SMC1B: variants seen among roughly 807,000 people sequenced by gnomAD.
The protein encoded by SMC1B is structural maintenance of chromosomes 1B, also known as structural maintenance of chromosomes protein 1B.
In SMC1B, 60 loss-of-function variants were observed where a neutral mutation model predicts 157.9. The observed-to-expected ratio is 0.38, with a 90% confidence interval of 0.31 to 0.47. The LOEUF is 0.47. SMC1B is among the 20% of genes least tolerant of loss of function. The pLI is 0.99. For synonymous variants in SMC1B, 445 were observed against 483.0 expected (o/e 0.92, Z 1.03); for missense variants, 1,165 against 1,426.2 (o/e 0.82, Z 2.95).
chr22:45,384,125 G>A (rs937952780), intron 11 of SMC1B, among the ~76,000 whole-genome samples: 2 of 152,022 alleles, frequency 1.3e-5, no homozygotes, highest in Non-Finnish European at 2.9e-5. Flanking sequence ...ATTTTAATGG[G>A]TATTTCCCAT....
At chr22:45,406,092 C>T (rs543601033) in intron 4 of SMC1B, among the ~76,000 whole-genome samples, 1 of 152,208 alleles carries the variant, frequency 6.6e-6, no homozygotes, top group African/African-American at 2.4e-5. Context: ...ATTTCACATA[C>T]AATAAATATT....
Position 45,354,986 on chromosome 22 carries a change from T to C in SMC1B, c.3091A>G (p.Arg1031Gly). 1 of 1,614,228 alleles carries C rather than the reference T, an allele frequency of 6.2e-7. No individual in the cohort carries two copies. Among genetic ancestry groups the C allele is most frequent in the Non-Finnish European group, 8.5e-7 (1 of 1,180,032 alleles). ...TCTGTGGACTCTTGAAACTTGTCTC[T>C]GACAGTCTTTAAGTTCTCCAGTGCT... is the stretch of plus-strand genomic sequence containing the variant. ...LRALENLKTVRDKFQESTDAF... is the reference protein window; with the variant it reads ...LRALENLKTVGDKFQESTDAF... The change falls in exon 20 of 25, where the codon AGA becomes GGA. Residue 1031 changes from arginine (R) to glycine (G), a missense_variant. Arg to Gly is a moderately radical substitution (Grantham distance 125). Transcript: ENST00000357450.
At position 45,396,434 on chromosome 22, in the gene SMC1B, A is replaced by G; in HGVS notation, c.1166T>C (p.Met389Thr). 4.3e-6 allele frequency: 7 copies of G among 1,613,162 alleles called. No individual in the cohort carries two copies. The highest frequency in any genetic ancestry group is 5.1e-6 in the Non-Finnish European group (6 of 1,179,572). Reference sequence around the variant, plus strand: ...CTGCAGTTTTTCCAGTTGTTGAGTCATTGTAGCTACTTTCTTTCTTACTTG... The same window carrying G: ...CTGCAGTTTTTCCAGTTGTTGAGTCGTTGTAGCTACTTTCTTTCTTACTTG... ...KEQVRKKVAT[M>T]TQQLEKLQWE... The change falls in exon 7 of 25, where the codon ATG (methionine) becomes ACG (threonine). Residue 389 changes from methionine to threonine, a missense_variant. Coordinates refer to ENST00000357450, the MANE Select transcript of SMC1B (RefSeq NM_148674.5).
chr22:45,393,888 T>C (rs758302173), intron 8 of SMC1B, 47 bp from the exon 9 acceptor site: 1 of 1,401,354 alleles, frequency 7.1e-7, no homozygotes. Flanking sequence ...AACCAAAATT[T>C]AGGAATTACC....
rs772993600 is a variant in SMC1B, at chr22:45,389,825, G to A, written c.1618C>T (p.Arg540Trp). ...YQLAVTKVFG[R>W]FITAIVVASE... The stretch of plus-strand genomic sequence containing the variant: ...GCTACAACAATGGCAGTGATGAACC[G>A]GCCAAAAACCTTAGTAACAGCCAGC... Residue 540 changes from arginine to tryptophan, a missense_variant, in exon 10 of 25, where the codon CGG (arginine) becomes TGG (tryptophan). Physicochemically the swap from Arg to Trp is moderately radical, Grantham distance 101. Coordinates refer to ENST00000357450, the MANE Select transcript of SMC1B (RefSeq NM_148674.5). 1.2e-5 allele frequency: 19 copies of A among 1,613,790 alleles called. No individual in the cohort carries two copies. The highest frequency in any genetic ancestry group is 6.7e-5 in the East Asian group (3 of 44,878).
intron 15 of SMC1B, among the ~76,000 whole-genome samples, chr22:45,366,956 A>T (rs569682100): frequency 1.3e-5 from 2 of 152,202 alleles, no homozygotes; most frequent in South Asian, 2.1e-4. Flanking sequence ...AGTTCAGCAA[A>T]TGTATTTATC....
At chr22:45,411,969 C>T (rs919807655) in intron 1 of SMC1B, among the ~76,000 whole-genome samples, 1 of 152,108 alleles carries the variant, frequency 6.6e-6, no homozygotes. Flanking sequence ...ACCTCCGCCT[C>T]CCGGGTTCAA....
intron 14 of SMC1B, 27 bp downstream of exon 14, chr22:45,371,444 T>C (rs2086830392): frequency 1.3e-6 from 2 of 1,561,412 alleles, no homozygotes; most frequent in South Asian, 1.2e-5. Context: ...ACATATACCA[T>C]TTAGGAATAA....
chr22:45,398,210 C>T (rs2087148655), intron 6 of SMC1B, among the ~76,000 whole-genome samples: 1 of 152,212 alleles, frequency 6.6e-6, no homozygotes, highest in Admixed American at 6.5e-5. Context: ...TGCCTGGGTG[C>T]CACTGTGTTC....
intron 4 of SMC1B, among the ~76,000 whole-genome samples, chr22:45,403,538 C>T (rs1242850798): frequency 6.6e-6 from 1 of 152,194 alleles, no homozygotes; most frequent in Non-Finnish European, 1.5e-5. Flanking sequence ...ACTGTAGCCT[C>T]GACCTCCTGG....
intron 14 of SMC1B, among the ~76,000 whole-genome samples, chr22:45,370,814 A>G (rs2146793966): frequency 6.6e-6 from 1 of 152,354 alleles, no homozygotes; most frequent in Non-Finnish European, 1.5e-5. Flanking sequence ...CTGGTCTTAA[A>G]TCCATGGTAA....
chr22:45,353,512 A>G (rs2086635719), intron 21 of SMC1B, among the ~76,000 whole-genome samples: 1 of 152,148 alleles, frequency 6.6e-6, no homozygotes. Flanking sequence ...AGTGGTTATC[A>G]TTAAAAGGGT....
intron 23 of SMC1B, among the ~76,000 whole-genome samples, chr22:45,346,543 T>A (rs2086553996): frequency 6.6e-6 from 1 of 152,152 alleles, no homozygotes; most frequent in Non-Finnish European, 1.5e-5. Context: ...GCACCAAAGA[T>A]CCTGTGGACA....
chr22:45,392,149 G>T (rs2087066587), intron 9 of SMC1B, among the ~76,000 whole-genome samples: 1 of 151,850 alleles, frequency 6.6e-6, no homozygotes, highest in Admixed American at 6.6e-5. Context: ...GTGTTTCACC[G>T]TGTTGGCCAG....
At chr22:45,369,713 T>C (rs923050588) in intron 15 of SMC1B, among the ~76,000 whole-genome samples, 1 of 150,486 alleles carries the variant, frequency 6.6e-6, no homozygotes. Context: ...TGGCTAATTT[T>C]TATTGTATTT....
At position 45,369,979 on chromosome 22, in the gene SMC1B, G is replaced by A. The variant is rs776857461; in HGVS notation, c.2395C>T (p.Arg799Trp). The A allele has an allele frequency of 1.4e-5, 23 of 1,589,560 alleles. No individual in the cohort carries two copies. Among genetic ancestry groups the A allele is most frequent in the Admixed American group, 6.9e-5 (4 of 58,056 alleles). Residue 799 changes from arginine to tryptophan, a missense_variant, in exon 15 of 25, where the codon CGG becomes TGG. Transcript: ENST00000357450. ...CTTTTTTGATCAATTTCTTGTTGCC[G>A]TTTAACATGTTTGTTCTCAAATTCA... The part of the protein sequence containing the change: ...IREFENKHVK[R>W]QQEIDQKRLE...
intron 1 of SMC1B, among the ~76,000 whole-genome samples, chr22:45,409,585 T>A: frequency 1.3e-5 from 1 of 77,424 alleles, no homozygotes; most frequent in East Asian, 4.0e-4. Flanking sequence ...AATAAATAAA[T>A]AAATAAATAA....
intron 19 of SMC1B, 141 bp downstream of exon 19, chr22:45,358,556 T>C: frequency 1.8e-6 from 1 of 543,896 alleles, no homozygotes; most frequent in Non-Finnish European, 3.2e-6. Flanking sequence ...TACAGTGTTT[T>C]TCCTTTGTAT....
intron 17 of SMC1B, 26 bp downstream of exon 17, chr22:45,361,813 T>G (rs2086724234): frequency 6.2e-7 from 1 of 1,607,152 alleles, no homozygotes. Flanking sequence ...TGACTAGGTC[T>G]TTCAAACTGA....
Sources: allele counts gnomAD v4.1 joint callset (sites outside exome capture counted in the v4.1 genomes callset), GRCh38; gene constraint gnomAD v4.1.1; transcripts MANE v1.5; gene names NCBI Gene and HGNC (gene_info 2026-07-23, HGNC 2026-07-21).